The following MRFAP1L2 variants were observed in gnomAD, a reference collection of about 807,000 sequenced individuals.
MRFAP1L2 encodes Morf4 family associated protein 1 like 2, also known as MORF4 family-associated protein 1-like protein UPP.
chr4:6,674,544 A>T, the MRFAP1L2 span: 1 of 663,808 alleles, frequency 1.5e-6, no homozygotes, highest in African/African-American at 1.9e-5. Context: ...GAGCTGCACC[A>T]GCGGATCGCC....
the MRFAP1L2 span, chr4:6,674,797 G>T: frequency 4.8e-3 from 2,303 of 475,004 alleles, 11 homozygotes; most frequent in Non-Finnish European, 4.5e-3. Context: ...GTCACTACGT[G>T]GGGGGAGAGA....
At chr4:6,674,794 C>CCAG in the MRFAP1L2 span, 425 of 477,202 alleles carry the variant, frequency 8.9e-4, 4 homozygotes, top group African/African-American at 7.7e-3. Flanking sequence ...TGGGTCACTA[C>CCAG]GTGGGGGGAG....
the MRFAP1L2 span, chr4:6,674,657 C>T: frequency 1.9e-6 from 1 of 540,134 alleles, no homozygotes; most frequent in Non-Finnish European, 3.2e-6. Flanking sequence ...GAGGGGAGCG[C>T]AGAGCCGTGC....
chr4:6,675,497 CGG>C, the MRFAP1L2 span: 1 of 69,926 alleles, frequency 1.4e-5, no homozygotes, highest in Admixed American at 1.9e-4. Flanking sequence ...GCCCAGTGGA[CGG>C]TTGGTCTTGA....
the MRFAP1L2 span, chr4:6,674,442 C>T: frequency 1.5e-6 from 1 of 656,858 alleles, no homozygotes; most frequent in Non-Finnish European, 2.7e-6. Flanking sequence ...GCACCCCGCC[C>T]GCGTGCGGAG....
chr4:6,674,159 G>A, the MRFAP1L2 span: 1 of 384,724 alleles, frequency 2.6e-6, no homozygotes, highest in Non-Finnish European at 4.6e-6. Context: ...TTCCGCGCTC[G>A]CTGCTGGTGA....
the MRFAP1L2 span, chr4:6,675,303 T>A: frequency 6.6e-6 from 1 of 152,266 alleles, no homozygotes; most frequent in East Asian, 1.9e-4. Context: ...TATTGTATTT[T>A]CAAAGTTTGG....
chr4:6,674,187 C>A, the MRFAP1L2 span: 4,135 of 390,954 alleles, frequency 0.011, 30 homozygotes, highest in Middle Eastern at 0.027. Context: ...CGGCGTGCCC[C>A]GCGGGCTGGA....
the MRFAP1L2 span, chr4:6,674,134 T>A: frequency 2.6e-6 from 1 of 382,862 alleles, no homozygotes; most frequent in Admixed American, 4.5e-5. Context: ...GTCTGGTCGT[T>A]GGTGACAGCG....
chr4:6,674,749 T>C, the MRFAP1L2 span: 1 of 510,426 alleles, frequency 2.0e-6, no homozygotes, highest in East Asian at 3.5e-5. Context: ...TAAAGAGTCA[T>C]GACCACTGGA....
At chr4:6,674,538 T>G in the MRFAP1L2 span, 3 of 666,462 alleles carry the variant, frequency 4.5e-6, no homozygotes, top group Non-Finnish European at 5.4e-6. Context: ...ATCGTGGAGC[T>G]GCACCAGCGG....
At chr4:6,675,946 A>G in the MRFAP1L2 span, 1 of 152,236 alleles carries the variant, frequency 6.6e-6, no homozygotes, top group Non-Finnish European at 1.5e-5. Flanking sequence ...TTTGCTTGGA[A>G]AAAGAAATGC....
chr4:6,675,094 C>T, the MRFAP1L2 span: 1 of 152,378 alleles, frequency 6.6e-6, no homozygotes, highest in Non-Finnish European at 1.5e-5. Context: ...GTTTTTCTGC[C>T]TGCGTTTTCT....
chr4:6,675,049 C>G, the MRFAP1L2 span: 1 of 153,102 alleles, frequency 6.5e-6, no homozygotes, highest in South Asian at 2.0e-4. Context: ...CTTGGACAGG[C>G]TCAAACCAAG....
the MRFAP1L2 span, chr4:6,674,425 GGCCCCAGCACCCC>G: frequency 1.5e-6 from 1 of 655,406 alleles, no homozygotes; most frequent in African/African-American, 1.9e-5. Context: ...GGGGCGCCCG[GGCCCCAGCACCCC>G]GCCCGCGTGC....
chr4:6,675,042 G>A, the MRFAP1L2 span: 1 of 153,254 alleles, frequency 6.5e-6, no homozygotes, highest in Admixed American at 6.5e-5. Context: ...GTGGCTGCTT[G>A]GACAGGCTCA....
chr4:6,674,276 C>T, the MRFAP1L2 span: 2 of 505,978 alleles, frequency 4.0e-6, no homozygotes, highest in Non-Finnish European at 6.9e-6. Context: ...CCCGCTGAGC[C>T]CCGCGCCCCG....
the MRFAP1L2 span, chr4:6,674,078 T>A: frequency 2.6e-6 from 1 of 389,396 alleles, no homozygotes; most frequent in East Asian, 3.7e-5. Context: ...AGTAGCCCAT[T>A]TTGGATACCG....
At chr4:6,674,184 C>T in the MRFAP1L2 span, 2 of 391,186 alleles carry the variant, frequency 5.1e-6, no homozygotes, top group Non-Finnish European at 9.0e-6. Flanking sequence ...CCCCGGCGTG[C>T]CCCGCGGGCT....
Sources: gnomAD v4.1 joint callset for allele counts on GRCh38, gnomAD v4.1.1 for gene constraint, MANE v1.5 for transcripts, NCBI Gene and HGNC (gene_info 2026-07-23, HGNC 2026-07-21) for gene names.